The following GRID2 variants were observed in gnomAD, a reference collection of about 807,000 sequenced individuals.
GRID2 encodes glutamate receptor ionotropic, delta-2.
In GRID2, 33 loss-of-function variants were observed where a neutral mutation model predicts 114.8. That is an observed-to-expected ratio of 0.29 (90% CI 0.22 to 0.38). The LOEUF (loss-of-function observed/expected upper bound fraction) is 0.38, where lower values mean the gene tolerates loss of function less well. Ranked by LOEUF, GRID2 falls within the 10% of genes least tolerant of loss-of-function variation. The pLI, the probability that GRID2 is intolerant of heterozygous loss-of-function variation, is 1.00. For synonymous variants in GRID2, 505 were observed against 449.9 expected (o/e 1.12, Z -1.55); for missense variants, 1,184 against 1,257.7 (o/e 0.94, Z 0.89).
chr4:93,050,706 C>T (rs900425247), intron 2 of GRID2, among the ~76,000 whole-genome samples: 1 of 151,976 alleles, frequency 6.6e-6, no homozygotes, highest in African/African-American at 2.4e-5. Flanking sequence ...AAGCAATTGC[C>T]TCTCATTTGA....
intron 2 of GRID2, among the ~76,000 whole-genome samples, chr4:92,720,276 C>G (rs952568342): frequency 1.3e-5 from 2 of 152,014 alleles, no homozygotes; most frequent in Non-Finnish European, 2.9e-5. Flanking sequence ...TGAATTTTCA[C>G]TTCACTATGT....
At chr4:92,657,290 G>C (rs529028430) in intron 2 of GRID2, among the ~76,000 whole-genome samples, 1 of 151,682 alleles carries the variant, frequency 6.6e-6, no homozygotes, top group East Asian at 1.9e-4. Flanking sequence ...CATAGTGTCT[G>C]AACTGTCACT....
intron 8 of GRID2, 144 bp downstream of exon 8, chr4:93,238,634 T>A: frequency 1.8e-6 from 1 of 565,578 alleles, no homozygotes; most frequent in Non-Finnish European, 3.0e-6. Flanking sequence ...AAATTAGGCA[T>A]TGAAATGACT....
chr4:92,825,545 A>T (rs955811353), intron 2 of GRID2, among the ~76,000 whole-genome samples: 5 of 152,148 alleles, frequency 3.3e-5, no homozygotes, highest in Admixed American at 2.6e-4. Flanking sequence ...CTAACATCTC[A>T]TACCTCTATC....
intron 2 of GRID2, among the ~76,000 whole-genome samples, chr4:92,846,767 G>T (rs1347788387): frequency 6.6e-6 from 1 of 152,026 alleles, no homozygotes; most frequent in Non-Finnish European, 1.5e-5. Flanking sequence ...ATTTCAGTCA[G>T]CTCTCCACAC....
At chr4:92,365,503 GT>G (rs1166335854) in intron 1 of GRID2, among the ~76,000 whole-genome samples, 3 of 151,914 alleles carry the variant, frequency 2.0e-5, no homozygotes. Context: ...GGTGGTGGTG[GT>G]GGTGGTGAGG....
At chr4:92,494,111 A>G (rs7660193) in intron 1 of GRID2, among the ~76,000 whole-genome samples, 7,743 of 152,166 alleles carry the variant, frequency 0.051, 247 homozygotes, top group East Asian at 0.082. Flanking sequence ...TACATCTGCT[A>G]TTGAGAAAAT....
At chr4:92,727,888 A>G (rs1264558549) in intron 2 of GRID2, among the ~76,000 whole-genome samples, 3 of 152,138 alleles carry the variant, frequency 2.0e-5, no homozygotes, top group East Asian at 1.9e-4. Context: ...ACCCAGAGCT[A>G]TATGGTTCTA....
chr4:92,376,152 T>C (rs916548297), intron 1 of GRID2, among the ~76,000 whole-genome samples: 1 of 151,648 alleles, frequency 6.6e-6, no homozygotes, highest in African/African-American at 2.4e-5. Flanking sequence ...TACTAAAAAA[T>C]ACAAAAAATT....
At chr4:93,111,001 G>T in intron 4 of GRID2, 48 bp downstream of exon 4, 1 of 1,203,130 alleles carries the variant, frequency 8.3e-7, no homozygotes, top group Non-Finnish European at 1.2e-6. Context: ...ACAATTAAAA[G>T]CTTTGGAATA....
At chr4:92,668,933 C>A (rs1255037122) in intron 2 of GRID2, among the ~76,000 whole-genome samples, 1 of 151,772 alleles carries the variant, frequency 6.6e-6, no homozygotes, top group East Asian at 1.9e-4. Flanking sequence ...GGCCTTGTTA[C>A]TTGGGAAAAG....
At chr4:93,104,262 C>T (rs1731983630) in intron 3 of GRID2, among the ~76,000 whole-genome samples, 1 of 151,982 alleles carries the variant, frequency 6.6e-6, no homozygotes. Context: ...ATCAAATTAC[C>T]ACAAATTTAG....
At chr4:93,276,945 T>C (rs1752118875) in intron 8 of GRID2, among the ~76,000 whole-genome samples, 1 of 151,834 alleles carries the variant, frequency 6.6e-6, no homozygotes, top group Non-Finnish European at 1.5e-5. Flanking sequence ...TCCATAGCCA[T>C]CAATAAATAT....
At chr4:93,332,613 T>C (rs768707031) in intron 8 of GRID2, among the ~76,000 whole-genome samples, 2 of 152,118 alleles carry the variant, frequency 1.3e-5, no homozygotes, top group Non-Finnish European at 2.9e-5. Flanking sequence ...TTTGTTATAA[T>C]GTTATATTAG....
chr4:92,812,771 G>A (rs959951609), intron 2 of GRID2, among the ~76,000 whole-genome samples: 2 of 152,064 alleles, frequency 1.3e-5, no homozygotes, highest in Non-Finnish European at 2.9e-5. Flanking sequence ...ATTCTGGCAT[G>A]TTTGACATTC....
chr4:93,097,118 C>T (rs1481710257), intron 3 of GRID2, among the ~76,000 whole-genome samples: 1 of 151,822 alleles, frequency 6.6e-6, no homozygotes, highest in Non-Finnish European at 1.5e-5. Flanking sequence ...AGACAGTGGT[C>T]ACATCTATGT....
At chr4:92,548,718 G>T (rs1183858597) in intron 1 of GRID2, among the ~76,000 whole-genome samples, 1 of 151,992 alleles carries the variant, frequency 6.6e-6, no homozygotes, top group Non-Finnish European at 1.5e-5. Flanking sequence ...CTAAAGAAAA[G>T]AAGTTTAATC....
chr4:92,739,954 G>A (rs1736790901), intron 2 of GRID2, among the ~76,000 whole-genome samples: 1 of 151,988 alleles, frequency 6.6e-6, no homozygotes, highest in African/African-American at 2.4e-5. Context: ...GATCTTGAAA[G>A]GGAATCCATA....
chr4:93,772,058 C>T lies in GRID2; in HGVS notation c.2602-18C>T, dbSNP rs1291178321. On this transcript the variant is annotated intron_variant, in intron 15 of 15. Coordinates refer to ENST00000282020, the MANE Select transcript of GRID2 (RefSeq NM_001510.4). The stretch of plus-strand genomic sequence containing the variant: ...CTAGTACTGATGAGAACCTTATTTT[C>T]TTTTTCTTCATCTCCAGGATGACAA... The T allele has an allele frequency of 2.0e-6, 3 of 1,532,150 alleles. No individual in the cohort carries two copies. The allele number at this position is 1,532,150 out of a possible 1,614,324, so 94.9% of individuals were successfully genotyped here.
Sources: allele counts gnomAD v4.1 joint callset (sites outside exome capture counted in the v4.1 genomes callset), GRCh38; gene constraint gnomAD v4.1.1; transcripts MANE v1.5; gene names NCBI Gene and HGNC (gene_info 2026-07-23, HGNC 2026-07-21).